Variants in IFT81 observed in about 807,000 individuals in gnomAD.
The protein encoded by IFT81 is intraflagellar transport 81, also known as intraflagellar transport protein 81 homolog.
In IFT81, 72 loss-of-function variants were observed where a neutral mutation model predicts 102.6. The ratio of observed to expected loss-of-function variants is 0.70; its 90% CI spans 0.58 to 0.85. IFT81 has a LOEUF of 0.85. Among genes scored for constraint, IFT81 ranks in the 40% least tolerant of loss-of-function variants. IFT81 has a pLI of 0.00. For synonymous variants in IFT81, 237 were observed against 242.7 expected (o/e 0.98, Z 0.22); for missense variants, 723 against 787.3 (o/e 0.92, Z 0.98).
At chr12:110,180,368 T>C in intron 11 of IFT81, 54 bp from the exon 12 acceptor site, 1 of 1,154,048 alleles carries the variant, frequency 8.7e-7, no homozygotes, top group Admixed American at 2.1e-5. Flanking sequence ...AGATGTATGA[T>C]ATTTAGCTAC....
intron 8 of IFT81, 108 bp downstream of exon 8, chr12:110,136,968 C>T (rs867070444): frequency 2.2e-5 from 14 of 625,858 alleles, no homozygotes; most frequent in African/African-American, 2.0e-4. Context: ...AGTGATGTCT[C>T]AGCATTTTGG....
At chr12:110,127,829 A>G (rs796706039) in intron 2 of IFT81, among the ~76,000 whole-genome samples, 22 of 152,280 alleles carry the variant, frequency 1.4e-4, no homozygotes, top group African/African-American at 4.6e-4. Flanking sequence ...GGTCCATTCC[A>G]CTGGATACTT....
chr12:110,134,868 C>G, intron 5 of IFT81, 80 bp from the exon 6 acceptor site: 1 of 942,928 alleles, frequency 1.1e-6, no homozygotes, highest in Non-Finnish European at 1.7e-6. Context: ...ATGTTAGATG[C>G]ATAATCAAAA....
chr12:110,199,860 T>A (rs1201354048), intron 14 of IFT81, among the ~76,000 whole-genome samples: 1 of 152,140 alleles, frequency 6.6e-6, no homozygotes, highest in Non-Finnish European at 1.5e-5. Flanking sequence ...GAAACCAAGG[T>A]CATTCTCGGG....
At chr12:110,189,509 T>C (rs1267689349) in intron 12 of IFT81, among the ~76,000 whole-genome samples, 1 of 151,904 alleles carries the variant, frequency 6.6e-6, no homozygotes, top group African/African-American at 2.4e-5. Flanking sequence ...CCAACACATC[T>C]GGCTAATTTT....
chr12:110,200,593 A>C (rs1172967030), intron 14 of IFT81, among the ~76,000 whole-genome samples: 1 of 152,218 alleles, frequency 6.6e-6, no homozygotes, highest in East Asian at 1.9e-4. Flanking sequence ...AACAGTGTAC[A>C]CTTAGGCTAC....
chr12:110,167,911 G>T, intron 11 of IFT81: 1 of 258,320 alleles, frequency 3.9e-6, no homozygotes, highest in Non-Finnish European at 7.6e-6. Flanking sequence ...GAGTGCGGTG[G>T]TGTGATCATG....
chr12:110,163,567 G>T (rs1460101941), intron 11 of IFT81, among the ~76,000 whole-genome samples: 1 of 150,766 alleles, frequency 6.6e-6, no homozygotes, highest in East Asian at 2.0e-4. Flanking sequence ...GATGTAAAAT[G>T]GCAGATATGT....
At chr12:110,161,391 A>T in intron 10 of IFT81, among the ~76,000 whole-genome samples, 1 of 148,154 alleles carries the variant, frequency 6.7e-6, no homozygotes, top group Non-Finnish European at 1.5e-5. Context: ...CAGATAATCC[A>T]CCCACCGTGG....
chr12:110,186,246 T>TTTG (rs1026252904), intron 12 of IFT81, among the ~76,000 whole-genome samples: 2 of 128,352 alleles, frequency 1.6e-5, no homozygotes, highest in Non-Finnish European at 1.8e-5. Flanking sequence ...ATCTTGTTTG[T>TTTG]TTGTTTGTTT....
intron 12 of IFT81, among the ~76,000 whole-genome samples, chr12:110,185,233 T>C (rs2137531081): frequency 6.6e-6 from 1 of 152,326 alleles, no homozygotes; most frequent in South Asian, 2.1e-4. Flanking sequence ...TTGCCCAAGC[T>C]GGAGTGCAGT....
rs548214510 is a variant in IFT81 at position 110,192,003 on chromosome 12, T to A, written c.1468-614T>A. On this transcript the variant is annotated intron_variant, in intron 13 of 18. Transcript: ENST00000242591. ...CTGGCCAACATGGTGAAATCCCGTC[T>A]CTACTAAAAATACAAAAATCAGCCG... 3.1e-3 allele frequency among the ~76,000 whole-genome samples: 476 copies of A among 152,134 alleles called. 10 individuals are homozygous for A. The highest frequency in any genetic ancestry group is 1.3e-3 in the Non-Finnish European group (89 of 67,982).
intron 18 of IFT81, among the ~76,000 whole-genome samples, chr12:110,211,690 A>G (rs1869463280): frequency 6.6e-6 from 1 of 151,544 alleles, no homozygotes; most frequent in African/African-American, 2.4e-5. Context: ...TATTTTTTGT[A>G]GAGATGGGGT....
intron 9 of IFT81, among the ~76,000 whole-genome samples, chr12:110,144,863 C>CTT (rs34675452): frequency 6.3e-4 from 59 of 93,068 alleles, no homozygotes; most frequent in African/African-American, 1.1e-3. Context: ...GGTGCAGTGC[C>CTT]TTTTTTTTTT....
chr12:110,194,995 A>G lies in IFT81; in HGVS notation c.1557+2289A>G, dbSNP rs564636638. The stretch of plus-strand genomic sequence containing the variant: ...TCCACCTTATACTTTCCACTTTTAA[A>G]AAAAGTATTTTGTTTCTGATGTGTC... On this transcript the variant is annotated intron_variant, in intron 14 of 18. Coordinates refer to ENST00000242591, the MANE Select transcript of IFT81 (RefSeq NM_014055.4). Among the ~76,000 whole-genome samples, 196 of 152,284 alleles carry G rather than the reference A, an allele frequency of 1.3e-3. 1 individual carries two copies. The highest frequency in any genetic ancestry group is 3.4e-3 in the Middle Eastern group (1 of 294).
At chr12:110,216,630 C>T (rs1372836391) in intron 18 of IFT81, 1 of 444,598 alleles carries the variant, frequency 2.2e-6, no homozygotes, top group East Asian at 7.0e-5. Flanking sequence ...CCTGCCTCAG[C>T]CTTCTGAGTA....
chr12:110,151,645 C>T (rs756115253), intron 10 of IFT81, among the ~76,000 whole-genome samples: 1 of 152,140 alleles, frequency 6.6e-6, no homozygotes, highest in Non-Finnish European at 1.5e-5. Context: ...ATATGCATTA[C>T]CTCACATACT....
intron 11 of IFT81, among the ~76,000 whole-genome samples, chr12:110,165,228 A>G (rs1426380079): frequency 2.0e-5 from 3 of 152,256 alleles, no homozygotes; most frequent in Admixed American, 2.0e-4. Context: ...AACAGAAGGT[A>G]TCGGGGAACA....
intron 12 of IFT81, among the ~76,000 whole-genome samples, chr12:110,181,947 A>G (rs1028091837): frequency 3.9e-5 from 6 of 152,110 alleles, no homozygotes; most frequent in African/African-American, 9.7e-5. Flanking sequence ...CTTCATTCTG[A>G]TCCCATGATC....
Sources: gnomAD v4.1 joint callset for allele counts (sites outside exome capture counted in the v4.1 genomes callset) on GRCh38, gnomAD v4.1.1 for gene constraint, MANE v1.5 for transcripts, NCBI Gene and HGNC (gene_info 2026-07-23, HGNC 2026-07-21) for gene names.